The following MAML2 variants were observed in gnomAD, a reference collection of about 807,000 sequenced individuals.
MAML2 encodes mastermind-like protein 2.
MAML2 carries 22 observed loss-of-function variants against 96.1 expected under a neutral mutation model. The ratio of observed to expected loss-of-function variants is 0.23; its 90% CI spans 0.16 to 0.33. MAML2 has a LOEUF of 0.33. Ranked by LOEUF, MAML2 falls within the 10% of genes least tolerant of loss-of-function variation. The pLI, the probability that MAML2 is intolerant of heterozygous loss-of-function variation, is 1.00. For missense variants in MAML2, 1,367 were observed against 1,392.4 expected (o/e 0.98, Z 0.29); for synonymous variants, 561 against 521.3 (o/e 1.08, Z -1.04).
rs541785976 is a variant in MAML2, at chr11:96,256,053, T to C, written c.513+85330A>G. Among the ~76,000 whole-genome samples the C allele has an allele frequency of 1.6e-3, 245 of 152,050 alleles. 1 individual carries two copies. The highest frequency in any genetic ancestry group is 5.8e-3 in the African/African-American group (240 of 41,450). On this transcript the variant is annotated intron_variant, in intron 1 of 4. Transcript: ENST00000524717. ...CACACCCAGCTAATTTCTGTATTTT[T>C]AGTAGAGACGGGGTTTCACCACTGT...
intron 1 of MAML2, among the ~76,000 whole-genome samples, chr11:96,225,678 CAAAAATTA>C (rs1227470567): frequency 3.3e-5 from 5 of 151,954 alleles, no homozygotes; most frequent in Non-Finnish European, 7.4e-5. Flanking sequence ...CTAAAAAATA[CAAAAATTA>C]GCTGGGCGTG....
At chr11:96,126,680 G>A (rs1206014518) in intron 1 of MAML2, among the ~76,000 whole-genome samples, 2 of 152,214 alleles carry the variant, frequency 1.3e-5, no homozygotes, top group African/African-American at 4.8e-5. Flanking sequence ...GCTTGAATTG[G>A]ATCTTAGAGA....
chr11:96,119,798 A>G (rs1195665746), intron 1 of MAML2, among the ~76,000 whole-genome samples: 1 of 152,172 alleles, frequency 6.6e-6, no homozygotes, highest in Non-Finnish European at 1.5e-5. Flanking sequence ...ATCACTTATC[A>G]TGATTTGTAA....
chr11:96,221,858 T>A (rs1431364284), intron 1 of MAML2, among the ~76,000 whole-genome samples: 1 of 152,050 alleles, frequency 6.6e-6, no homozygotes, highest in Non-Finnish European at 1.5e-5. Flanking sequence ...TAGGACCAGG[T>A]CTTGGTACAG....
chr11:96,238,304 A>T (rs187353615), intron 1 of MAML2, among the ~76,000 whole-genome samples: 1 of 152,240 alleles, frequency 6.6e-6, no homozygotes, highest in Non-Finnish European at 1.5e-5. Context: ...AGCTCATCAG[A>T]CACAAAACAA....
At chr11:96,333,470 T>C (rs2136018990) in intron 1 of MAML2, among the ~76,000 whole-genome samples, 1 of 152,324 alleles carries the variant, frequency 6.6e-6, no homozygotes, top group Middle Eastern at 3.4e-3. Flanking sequence ...TTTCTAATCC[T>C]GTCACTTCAT....
intron 1 of MAML2, among the ~76,000 whole-genome samples, chr11:96,237,743 C>T (rs564623457): frequency 6.6e-6 from 1 of 152,304 alleles, no homozygotes; most frequent in East Asian, 1.9e-4. Context: ...CGGAAAACTA[C>T]ATAATCTTTT....
At chr11:96,202,177 C>CAAAAAAAA (rs35124521) in intron 1 of MAML2, among the ~76,000 whole-genome samples, 1,196 of 75,376 alleles carry the variant, frequency 0.016, no homozygotes, top group Non-Finnish European at 0.018. Context: ...ACTAAAAATA[C>CAAAAAAAA]AAAAAAAAAA....
chr11:96,012,217 A>T (rs1244863092), intron 2 of MAML2, among the ~76,000 whole-genome samples: 1 of 152,240 alleles, frequency 6.6e-6, no homozygotes, highest in African/African-American at 2.4e-5. Context: ...ATTCAAGTTC[A>T]TTCGACTTGG....
At position 96,342,795 on chromosome 11, in the gene MAML2, AT is replaced by A; in HGVS notation, c.-901del. 9.6e-6 allele frequency: 3 copies of A among 313,120 alleles called. No individual in the cohort carries two copies. The highest frequency in any genetic ancestry group is 4.8e-5 in the East Asian group (1 of 21,048). The allele number at this position is 313,120 out of a possible 1,614,324, so 19.4% of individuals were successfully genotyped here. ...GCCACTGAGAGAGATCCTTCAACAC[AT>A]TTTTTTCTTTCCCGCTTACGTTTCT... is the stretch of plus-strand genomic sequence containing the variant. On this transcript the variant is annotated 5_prime_UTR_variant, in exon 1 of 5. In the 5' UTR this introduces an upstream ATG that the reference lacks. Coordinates refer to ENST00000524717, the MANE Select transcript of MAML2 (RefSeq NM_032427.4).
At chr11:95,985,993 G>A (rs552600171) in intron 3 of MAML2, among the ~76,000 whole-genome samples, 21 of 152,198 alleles carry the variant, frequency 1.4e-4, no homozygotes, top group Non-Finnish European at 2.4e-4. Context: ...CACAAACAAG[G>A]TCACTGTGCA....
intron 2 of MAML2, 123 bp from the exon 3 acceptor site, chr11:95,991,846 T>A: frequency 1.4e-6 from 1 of 730,138 alleles, no homozygotes; most frequent in Non-Finnish European, 2.3e-6. Context: ...CATGGTTAAA[T>A]GGGTTGGAGA....
intron 1 of MAML2, among the ~76,000 whole-genome samples, chr11:96,298,121 T>G (rs1159415896): frequency 2.0e-5 from 3 of 152,188 alleles, no homozygotes; most frequent in African/African-American, 7.2e-5. Flanking sequence ...AATATTTTAG[T>G]TTTTTCTTCC....
chr11:96,158,120 A>G (rs556578723), intron 1 of MAML2, among the ~76,000 whole-genome samples: 2 of 152,336 alleles, frequency 1.3e-5, no homozygotes, highest in South Asian at 4.1e-4. Context: ...CTAAACAGAA[A>G]AAGTGTTTGA....
At chr11:96,014,174 T>C (rs7107785) in intron 2 of MAML2, among the ~76,000 whole-genome samples, 86,970 of 152,040 alleles carry the variant, frequency 0.57, 25,399 homozygotes, top group East Asian at 0.8. Flanking sequence ...GGAATCTTTC[T>C]TGTCTCAAAA....
rs1565182895 is a variant in MAML2, at chr11:95,991,650, C to T, written c.2213G>A (p.Gly738Glu). 3.7e-6 allele frequency: 6 copies of T among 1,613,616 alleles called. No individual in the cohort carries two copies. The African/African-American group carries it at 5.3e-5, about 14-fold the overall frequency. ...SPNPCSNPNT[G>E]SGYMNSQQSL... is the part of the protein sequence containing the mutation. ...TTGCTGGGAGTTCATGTAACCACTTCCAGTGTTTGGATTTGAGCAGGGGTT... is the reference window on the plus strand; with the variant it reads ...TTGCTGGGAGTTCATGTAACCACTTTCAGTGTTTGGATTTGAGCAGGGGTT... The change falls in exon 3 of 5, where the codon GGA becomes GAA. Residue 738 changes from glycine (G) to glutamate (E), a missense_variant. Physicochemically the swap from Gly to Glu is moderately conservative, Grantham distance 98. Coordinates refer to ENST00000524717, the MANE Select transcript of MAML2 (RefSeq NM_032427.4).
intron 2 of MAML2, among the ~76,000 whole-genome samples, chr11:96,048,146 A>G (rs1858936074): frequency 1.3e-5 from 2 of 152,052 alleles, no homozygotes; most frequent in Admixed American, 1.3e-4. Context: ...CACTCTAGTT[A>G]CCTCAGCACT....
intron 2 of MAML2, among the ~76,000 whole-genome samples, chr11:96,053,819 GCAAA>G (rs1315835237): frequency 3.3e-5 from 5 of 152,146 alleles, no homozygotes; most frequent in South Asian, 4.1e-4. Context: ...AGTCATGTGG[GCAAA>G]CAGTTAACAT....
intron 1 of MAML2, among the ~76,000 whole-genome samples, chr11:96,279,655 A>G (rs539654939): frequency 3.9e-4 from 60 of 152,212 alleles, no homozygotes; most frequent in Non-Finnish European, 7.8e-4. Flanking sequence ...GTATTAAAAT[A>G]TATTTTTCTT....
Sources: allele counts gnomAD v4.1 joint callset (sites outside exome capture counted in the v4.1 genomes callset), GRCh38; gene constraint gnomAD v4.1.1; transcripts MANE v1.5; gene names NCBI Gene and HGNC (gene_info 2026-07-23, HGNC 2026-07-21).